Variants in CDKAL1 observed in about 807,000 individuals in gnomAD.
The protein encoded by CDKAL1 is threonylcarbamoyladenosine tRNA methylthiotransferase.
CDKAL1 carries 32 observed loss-of-function variants against 68.2 expected under a neutral mutation model. The ratio of observed to expected loss-of-function variants is 0.47; its 90% CI spans 0.35 to 0.63. The LOEUF is 0.63. Among genes scored for constraint, CDKAL1 ranks in the 30% least tolerant of loss-of-function variants. The probability of loss-of-function intolerance (pLI) is 0.00; values close to 1 mark genes in which losing one functional copy is unlikely to be tolerated. For synonymous variants in CDKAL1, 234 were observed against 244.3 expected, an observed-to-expected ratio of 0.96 and a Z score of 0.39; for missense variants, 606 against 696.7, an observed-to-expected ratio of 0.87 and a Z score of 1.47.
chr6:20,737,924 G>A (rs1446822641), intron 5 of CDKAL1, among the ~76,000 whole-genome samples: 10 of 152,196 alleles, frequency 6.6e-5, no homozygotes, highest in Admixed American at 6.5e-4. Context: ...AAATTTTGAT[G>A]TGGCTGTTCA....
rs567027976 is a variant in CDKAL1, at chr6:20,565,070, A to G, written c.286+16365A>G. Among the ~76,000 whole-genome samples the G allele has an allele frequency of 4.6e-5, 7 of 152,242 alleles. No individual in the cohort carries two copies. In the South Asian group the frequency reaches 1.4e-3, roughly 32 times the overall value. On this transcript the variant is annotated intron_variant, in intron 4 of 15. Transcript: ENST00000274695. ...TGATTGTTCATTTATACAGCCTATT[A>G]CATCCAATGTAGTTTATGACCTAGA...
At chr6:20,985,714 G>A (rs1352368414) in intron 10 of CDKAL1, among the ~76,000 whole-genome samples, 1 of 151,972 alleles carries the variant, frequency 6.6e-6, no homozygotes, top group Non-Finnish European at 1.5e-5. Flanking sequence ...GAACTCAGGA[G>A]TTCACTTGAA....
intron 10 of CDKAL1, among the ~76,000 whole-genome samples, chr6:20,969,336 A>G (rs1361024565): frequency 1.3e-5 from 2 of 152,226 alleles, no homozygotes; most frequent in Non-Finnish European, 2.9e-5. Flanking sequence ...TAAGAAAATC[A>G]TAAGAAGAGA....
At chr6:21,159,164 C>G (rs796969221) in intron 13 of CDKAL1, among the ~76,000 whole-genome samples, 4 of 140,110 alleles carry the variant, frequency 2.9e-5, no homozygotes, top group African/African-American at 8.1e-5. Context: ...AAAGCAGTTT[C>G]TATAGTATTC....
chr6:20,553,805 T>C (rs941203111), intron 4 of CDKAL1, among the ~76,000 whole-genome samples: 26 of 151,778 alleles, frequency 1.7e-4, no homozygotes, highest in African/African-American at 5.3e-4. Flanking sequence ...GCGATGGGGG[T>C]TTTGCCATGT....
Position 20,639,176 on chromosome 6 carries a change from A to T in CDKAL1, c.287-10117A>T, listed in dbSNP as rs189055388. Among the ~76,000 whole-genome samples the T allele has an allele frequency of 5.7e-3, 864 of 152,320 alleles. 10 individuals are homozygous for T. The highest frequency in any genetic ancestry group is 0.02 in the African/African-American group (827 of 41,562). On this transcript the variant is annotated intron_variant, in intron 4 of 15. Transcript: ENST00000274695. ...TATTATTTTTCATTTAAAAGAAAAA[A>T]TCGTCTTTCATATAATGAACAGACT...
intron 5 of CDKAL1, among the ~76,000 whole-genome samples, chr6:20,701,972 G>T (rs1771382057): frequency 6.6e-6 from 1 of 152,198 alleles, no homozygotes; most frequent in East Asian, 1.9e-4. Flanking sequence ...GGGAGAGGCT[G>T]ACAGCAATGG....
intron 4 of CDKAL1, among the ~76,000 whole-genome samples, chr6:20,607,213 A>T (rs369566878): frequency 6.6e-6 from 1 of 152,342 alleles, no homozygotes; most frequent in East Asian, 1.9e-4. Flanking sequence ...AATTAACAGG[A>T]AAAGGGAAAC....
chr6:20,929,546 A>G lies in CDKAL1; in HGVS notation c.743-25873A>G, dbSNP rs529646224. On this transcript the variant is annotated intron_variant, in intron 9 of 15. Transcript: ENST00000274695. ...GATGTTTTTTGTTTATGCCTTATGT[A>G]TTTGACGTTACTGCCAGTGATTTTT... is the stretch of plus-strand genomic sequence containing the variant. Among the ~76,000 whole-genome samples, 3 of 152,302 alleles carry G rather than the reference A, an allele frequency of 2.0e-5. No individual in the cohort carries two copies. In the East Asian group the frequency reaches 5.8e-4, roughly 29 times the overall value.
chr6:20,555,899 G>A (rs11964635), intron 4 of CDKAL1, among the ~76,000 whole-genome samples: 25,081 of 151,974 alleles, frequency 0.17, 2,452 homozygotes, highest in African/African-American at 0.27. Flanking sequence ...TGGGATTACA[G>A]GCATGAGCCA....
chr6:20,943,328 C>CAAAA (rs34759060), intron 9 of CDKAL1, among the ~76,000 whole-genome samples: 12 of 51,040 alleles, frequency 2.4e-4, no homozygotes, highest in African/African-American at 4.8e-4. Flanking sequence ...CTTGTTTTTT[C>CAAAA]AAAAAAAAAA....
At chr6:20,707,945 C>T (rs1195798685) in intron 5 of CDKAL1, among the ~76,000 whole-genome samples, 1 of 152,100 alleles carries the variant, frequency 6.6e-6, no homozygotes, top group Non-Finnish European at 1.5e-5. Flanking sequence ...AGTGGCATTA[C>T]CCATGGACCT....
At chr6:20,971,534 TAAA>T (rs1302125788) in intron 10 of CDKAL1, among the ~76,000 whole-genome samples, 9 of 152,350 alleles carry the variant, frequency 5.9e-5, no homozygotes, top group Admixed American at 2.0e-4. Context: ...TTTCAAAACT[TAAA>T]GAGTCATTTT....
At chr6:20,807,522 G>A (rs1776625528) in intron 8 of CDKAL1, among the ~76,000 whole-genome samples, 1 of 152,112 alleles carries the variant, frequency 6.6e-6, no homozygotes, top group Non-Finnish European at 1.5e-5. Flanking sequence ...TACCCGGCCT[G>A]AAATTTTTCT....
At position 20,984,815 on chromosome 6, in the gene CDKAL1, G is replaced by C. The variant is rs996120665; in HGVS notation, c.910-15412G>C. Among the ~76,000 whole-genome samples, 638 of 148,480 alleles carry C rather than the reference G, an allele frequency of 4.3e-3. 10 individuals carry two copies. The highest frequency in any genetic ancestry group is 0.015 in the African/African-American group (604 of 39,294). The stretch of plus-strand genomic sequence containing the variant: ...GGGTTTTTATGGGCACAGTAACGGG[G>C]GGGGGTGGGGAAGGCTATGGGTGGT... On this transcript the variant is annotated intron_variant, in intron 10 of 15. Transcript: ENST00000274695.
chr6:20,557,070 TA>T (rs1764083701), intron 4 of CDKAL1, among the ~76,000 whole-genome samples: 1 of 145,706 alleles, frequency 6.9e-6, no homozygotes, highest in African/African-American at 2.5e-5. Context: ...AATAAATAAA[TA>T]AATAAATAAA....
intron 9 of CDKAL1, among the ~76,000 whole-genome samples, chr6:20,903,437 A>G (rs1256343808): frequency 6.6e-6 from 1 of 152,212 alleles, no homozygotes; most frequent in East Asian, 1.9e-4. Context: ...ATATCATTTT[A>G]GAAGTGTTCA....
chr6:20,660,726 A>T (rs1220690946), intron 5 of CDKAL1, among the ~76,000 whole-genome samples: 2 of 152,180 alleles, frequency 1.3e-5, no homozygotes, highest in East Asian at 3.9e-4. Flanking sequence ...GCACACAATT[A>T]TAATTACTCA....
At chr6:20,595,704 T>G (rs893403850) in intron 4 of CDKAL1, among the ~76,000 whole-genome samples, 2 of 152,118 alleles carry the variant, frequency 1.3e-5, no homozygotes, top group South Asian at 2.1e-4. Context: ...TCTGTCCAGT[T>G]TTGTTCCCTT....
Sources: gnomAD v4.1 joint callset for allele counts (sites outside exome capture counted in the v4.1 genomes callset) on GRCh38, gnomAD v4.1.1 for gene constraint, MANE v1.5 for transcripts, NCBI Gene and HGNC (gene_info 2026-07-23, HGNC 2026-07-21) for gene names.